Variants in MACROD2 observed in about 807,000 individuals in gnomAD.
MACROD2 encodes ADP-ribose glycohydrolase MACROD2.
A neutral mutation model predicts 70.4 loss-of-function variants in MACROD2; 36 were observed. The observed-to-expected ratio is 0.51, with a 90% CI of 0.39 to 0.68. MACROD2 has a LOEUF of 0.68. Ranked by LOEUF, MACROD2 falls within the 30% of genes least tolerant of loss-of-function variation. The probability of loss-of-function intolerance (pLI) is 0.00; values close to 1 mark genes in which losing one functional copy is unlikely to be tolerated. For synonymous variants in MACROD2, 172 were observed against 178.8 expected, an observed-to-expected ratio of 0.96 and a Z score of 0.30; for missense variants, 496 against 538.4, an observed-to-expected ratio of 0.92 and a Z score of 0.78.
At chr20:15,483,639 C>A (rs533140391) in intron 7 of MACROD2, among the ~76,000 whole-genome samples, 30 of 152,232 alleles carry the variant, frequency 2.0e-4, no homozygotes, top group African/African-American at 7.0e-4. Flanking sequence ...TTCTTTCCAA[C>A]TGAAAAGTTG....
chr20:14,889,999 G>C (rs1225500008), intron 5 of MACROD2, among the ~76,000 whole-genome samples: 3 of 152,072 alleles, frequency 2.0e-5, no homozygotes, highest in African/African-American at 7.2e-5. Flanking sequence ...AGTGATAAAA[G>C]GAGTACAGAC....
intron 8 of MACROD2, among the ~76,000 whole-genome samples, chr20:15,711,674 A>G (rs542660292): frequency 1.3e-5 from 2 of 152,290 alleles, no homozygotes; most frequent in East Asian, 1.9e-4. Flanking sequence ...AATGTAAAAA[A>G]CAGGTCGATG....
rs146749944 is a variant in MACROD2 at position 14,247,276 on chromosome 20, C to G, written c.271+161548C>G. Among the ~76,000 whole-genome samples the G allele has an allele frequency of 3.2e-3, 485 of 152,254 alleles. 4 individuals are homozygous for G. Among genetic ancestry groups the G allele is most frequent in the African/African-American group, 0.011 (458 of 41,546 alleles). ...GACCTGATCTTCAGGATTTCCAGTG[C>G]GAGGCTCCTTCCACTAATAGATGGA... On this transcript the variant is annotated intron_variant, in intron 3 of 17. Transcript: ENST00000684519.
chr20:15,174,999 C>T (rs1479015247), intron 5 of MACROD2, among the ~76,000 whole-genome samples: 1 of 151,910 alleles, frequency 6.6e-6, no homozygotes, highest in Non-Finnish European at 1.5e-5. Context: ...TGCAGAAGCT[C>T]TTTAGTTTAA....
intron 6 of MACROD2, among the ~76,000 whole-genome samples, chr20:15,348,516 A>G (rs2078191387): frequency 6.6e-6 from 1 of 152,208 alleles, no homozygotes; most frequent in Non-Finnish European, 1.5e-5. Context: ...GAGTGTGTAT[A>G]TTAGTCTGTT....
chr20:16,014,221 A>G (rs2066900822), intron 15 of MACROD2, among the ~76,000 whole-genome samples: 1 of 152,222 alleles, frequency 6.6e-6, no homozygotes, highest in African/African-American at 2.4e-5. Flanking sequence ...AGACTAGGTG[A>G]AAATTCCAGT....
chr20:14,394,137 A>T (rs1354725878), intron 3 of MACROD2, among the ~76,000 whole-genome samples: 1 of 152,220 alleles, frequency 6.6e-6, no homozygotes, highest in Non-Finnish European at 1.5e-5. Context: ...ATACCACAGT[A>T]GTTTTAGTAT....
chr20:15,642,717 T>C (rs2049480645), intron 8 of MACROD2, among the ~76,000 whole-genome samples: 1 of 152,122 alleles, frequency 6.6e-6, no homozygotes, highest in Non-Finnish European at 1.5e-5. Flanking sequence ...CATTTCTCCC[T>C]GGAGTAACTG....
chr20:14,897,520 G>T (rs1430111805), intron 5 of MACROD2, among the ~76,000 whole-genome samples: 1 of 152,052 alleles, frequency 6.6e-6, no homozygotes, highest in African/African-American at 2.4e-5. Context: ...TTGTATAATA[G>T]AACTACATCT....
At chr20:15,928,374 C>A (rs1375135361) in intron 10 of MACROD2, among the ~76,000 whole-genome samples, 1 of 152,170 alleles carries the variant, frequency 6.6e-6, no homozygotes, top group Non-Finnish European at 1.5e-5. Context: ...GGGTTTGATT[C>A]TCAATATTTG....
At chr20:16,027,003 T>G (rs1164214101) in intron 15 of MACROD2, among the ~76,000 whole-genome samples, 1 of 152,212 alleles carries the variant, frequency 6.6e-6, no homozygotes, top group Non-Finnish European at 1.5e-5. Flanking sequence ...TAAAAATGTT[T>G]AAACCCAACA....
chr20:15,220,229 T>G (rs1461751553), intron 5 of MACROD2, among the ~76,000 whole-genome samples: 1 of 152,206 alleles, frequency 6.6e-6, no homozygotes, highest in African/African-American at 2.4e-5. Context: ...AGATTATCCC[T>G]TCTACCTCAT....
chr20:14,499,564 G>A (rs1268249060), intron 4 of MACROD2, among the ~76,000 whole-genome samples: 1 of 152,066 alleles, frequency 6.6e-6, no homozygotes, highest in African/African-American at 2.4e-5. Flanking sequence ...CCTTAGGTGG[G>A]ATTGATCCTG....
At chr20:14,438,614 T>C (rs1161571761) in intron 3 of MACROD2, among the ~76,000 whole-genome samples, 1 of 152,232 alleles carries the variant, frequency 6.6e-6, no homozygotes, top group Non-Finnish European at 1.5e-5. Flanking sequence ...CTAACAGATG[T>C]GAGGTGTTAT....
At chr20:14,044,156 C>G (rs1057410571) in intron 2 of MACROD2, among the ~76,000 whole-genome samples, 2 of 151,892 alleles carry the variant, frequency 1.3e-5, no homozygotes, top group African/African-American at 4.8e-5. Context: ...AGAGTTTTTT[C>G]CTTCTGGTGG....
intron 3 of MACROD2, among the ~76,000 whole-genome samples, chr20:14,151,244 G>A (rs2055016358): frequency 9.0e-6 from 1 of 111,344 alleles, no homozygotes; most frequent in Non-Finnish European, 1.8e-5. Flanking sequence ...ATATTTCAAT[G>A]ATGTTCTGCC....
At chr20:14,786,004 A>G (rs2123792946) in intron 5 of MACROD2, among the ~76,000 whole-genome samples, 1 of 152,248 alleles carries the variant, frequency 6.6e-6, no homozygotes, top group South Asian at 2.1e-4. Flanking sequence ...ACATATTTTG[A>G]TGAAAATGCA....
At chr20:15,732,558 C>A (rs978656895) in intron 8 of MACROD2, among the ~76,000 whole-genome samples, 15 of 152,266 alleles carry the variant, frequency 9.9e-5, no homozygotes, top group African/African-American at 3.4e-4. Flanking sequence ...AACCGTGTGA[C>A]TTTTATTTAA....
At chr20:14,125,699 A>G (rs1368906057) in intron 3 of MACROD2, among the ~76,000 whole-genome samples, 1 of 152,192 alleles carries the variant, frequency 6.6e-6, no homozygotes, top group Admixed American at 6.6e-5. Flanking sequence ...ATGATGCATT[A>G]GAAAATTATT....
Sources: gnomAD v4.1 joint callset for allele counts (sites outside exome capture counted in the v4.1 genomes callset) on GRCh38, gnomAD v4.1.1 for gene constraint, MANE v1.5 for transcripts, NCBI Gene and HGNC (gene_info 2026-07-23, HGNC 2026-07-21) for gene names.